MYH9: variants seen among roughly 807,000 people sequenced by gnomAD.
The protein encoded by MYH9 is myosin heavy chain 9.
A neutral mutation model predicts 241.9 loss-of-function variants in MYH9; 29 were observed. The ratio of observed to expected loss-of-function variants is 0.12; its 90% confidence interval spans 0.09 to 0.16. The LOEUF is 0.16. MYH9 is among the 10% of genes least tolerant of loss of function. The pLI is 1.00. For synonymous variants in MYH9, 1,047 were observed against 1,062.6 expected (o/e 0.99, Z 0.29); for missense variants, 1,803 against 2,595.5 (o/e 0.69, Z 6.63).
At chr22:36,309,475 AC>A in intron 14 of MYH9, 79 bp from the exon 15 acceptor site, 1 of 1,078,318 alleles carries the variant, frequency 9.3e-7, no homozygotes, top group Non-Finnish European at 1.4e-6. Context: ...GCACAGGCTA[AC>A]CCCATGCATG....
At chr22:36,304,200 C>G in intron 18 of MYH9, 45 bp from the exon 19 acceptor site, 2 of 1,605,362 alleles carry the variant, frequency 1.2e-6, no homozygotes, top group East Asian at 2.2e-5. Context: ...CAACTGGCCA[C>G]AGCTCCATGA....
chr22:36,358,970 C>T (rs946244582), intron 1 of MYH9, among the ~76,000 whole-genome samples: 2 of 152,130 alleles, frequency 1.3e-5, no homozygotes, highest in East Asian at 1.9e-4. Context: ...TCATTCCCAG[C>T]GGTATATAAT....
chr22:36,286,883 T>C, intron 34 of MYH9, 37 bp from the exon 35 acceptor site: 9 of 1,601,134 alleles, frequency 5.6e-6, no homozygotes, highest in Non-Finnish European at 7.6e-6. Flanking sequence ...CCCACCCAGC[T>C]CCTTGGCCCT....
intron 1 of MYH9, among the ~76,000 whole-genome samples, chr22:36,386,922 G>A (rs907981716): frequency 1.3e-5 from 2 of 152,248 alleles, no homozygotes; most frequent in Non-Finnish European, 2.9e-5. Context: ...AGATGCAATC[G>A]CCCAGGCCTG....
intron 3 of MYH9, among the ~76,000 whole-genome samples, chr22:36,340,202 A>AAAAGTAATGTGTGC (rs1569536435): frequency 6.7e-6 from 1 of 150,328 alleles, no homozygotes; most frequent in African/African-American, 2.4e-5. Flanking sequence ...CTTTGCCATT[A>AAAAGTAATGTGTGC]CTTTTAATGG....
chr22:36,298,370 G>A (rs1247972632), intron 24 of MYH9, among the ~76,000 whole-genome samples: 1 of 152,118 alleles, frequency 6.6e-6, no homozygotes, highest in Non-Finnish European at 1.5e-5. Flanking sequence ...AGACAAGGCA[G>A]GATTTGTCAC....
At position 36,312,169 on chromosome 22, in the gene MYH9, T is replaced by C. The variant is rs2017074895; in HGVS notation, c.1608A>G (p.Lys536=). The C allele has an allele frequency of 6.2e-7, 1 of 1,614,050 alleles. No homozygotes were observed. Residue 536 remains lysine (K), a synonymous_variant, in exon 14 of 41, where the codon AAA becomes AAG. Transcript: ENST00000216181. ...TCTCCACGAAGCTCTTGTCGGTGGC[T>C]TTGGGGAACCAGCACTCCTCGTCCA... ...ALLDEECWFP[K]ATDKSFVEKV...
Position 36,292,182 on chromosome 22 carries a change from G to A in MYH9, c.4148C>T (p.Ala1383Val), listed in dbSNP as rs1234301791. ...MEDSVGCLET[A>V]EEVKRKLQKD... The stretch of plus-strand genomic sequence containing the variant: ...CTGGAGCTTCCTCTTCACCTCCTCA[G>A]CAGTTTCCAGGCACCCCACACTGTC... Residue 1383 changes from alanine (A) to valine (V), a missense_variant, in exon 31 of 41, where the codon GCT becomes GTT. This residue lies in a region of MYH9 where 876 missense variants were observed against 1,077.8 expected (regional missense o/e 0.81). Coordinates refer to ENST00000216181, the MANE Select transcript of MYH9 (RefSeq NM_002473.6). 2.5e-6 allele frequency: 4 copies of A among 1,614,116 alleles called. No individual in the cohort carries two copies.
At chr22:36,378,747 G>A (rs1420659267) in intron 1 of MYH9, among the ~76,000 whole-genome samples, 1 of 152,026 alleles carries the variant, frequency 6.6e-6, no homozygotes, top group African/African-American at 2.4e-5. Context: ...AAAAGACGAA[G>A]GGAGTAGAAG....
At chr22:36,363,125 C>G (rs972097253) in intron 1 of MYH9, among the ~76,000 whole-genome samples, 1 of 152,200 alleles carries the variant, frequency 6.6e-6, no homozygotes, top group Non-Finnish European at 1.5e-5. Context: ...GACATGCCAT[C>G]GCCCCCAGGC....
chr22:36,284,631 G>T, intron 38 of MYH9, 120 bp from the exon 39 acceptor site: 1 of 938,834 alleles, frequency 1.1e-6, no homozygotes, highest in Non-Finnish European at 1.7e-6. Context: ...CACGTAGGGA[G>T]GCCTTTGCTA....
chr22:36,305,059 C>A lies in MYH9; in HGVS notation c.2203G>T (p.Asp735Tyr). The A allele has an allele frequency of 6.2e-7, 1 of 1,614,138 alleles. No individual in the cohort carries two copies. The highest frequency in any genetic ancestry group is 2.2e-5 in the East Asian group (1 of 44,884). ...TPNSIPKGFM[D>Y]GKQACVLMIK... ...ATGAGCACGCACGCCTGCTTCCCGT[C>A]CATGAAACCCTTGGGAATGGAGTTT... Residue 735 changes from aspartate (D) to tyrosine (Y), a missense_variant, in exon 18 of 41, where the codon GAC becomes TAC. Physicochemically the swap from Asp to Tyr is radical, Grantham distance 160. Coordinates refer to ENST00000216181, the MANE Select transcript of MYH9 (RefSeq NM_002473.6). The surrounding 1 kb of genome is among the most constrained non-coding windows in gnomAD (Gnocchi z 4.7).
intron 1 of MYH9, among the ~76,000 whole-genome samples, chr22:36,353,102 CGTGT>C (rs71323001): frequency 0.045 from 6,424 of 142,890 alleles, 167 homozygotes; most frequent in Middle Eastern, 0.07. Context: ...CCTCTGGGGG[CGTGT>C]GTGTGTGTGT....
intron 21 of MYH9, 104 bp downstream of exon 21, chr22:36,301,430 C>G (rs2016874998): frequency 2.7e-6 from 4 of 1,494,768 alleles, no homozygotes; most frequent in Non-Finnish European, 3.7e-6. Context: ...GTAGAAAACT[C>G]CTATAGTAAT....
At chr22:36,364,373 C>A (rs1170107173) in intron 1 of MYH9, among the ~76,000 whole-genome samples, 4 of 152,160 alleles carry the variant, frequency 2.6e-5, no homozygotes, top group African/African-American at 9.7e-5. Context: ...GAGAGGCTCC[C>A]ATCTTCCCAA....
rs755196113 is a variant in MYH9, at chr22:36,294,221, C to T, written c.3708G>A (p.Leu1236=). Residue 1236 remains leucine, a synonymous_variant, in exon 28 of 41, where the codon CTG becomes CTA. Transcript: ENST00000216181. ...GCTCCGAGTCCCCTTTGCCCTGCAG[C>T]AGCACCTTCACCTCGTTGGCCAGCT... is the stretch of plus-strand genomic sequence containing the variant. The part of the protein sequence containing the change: ...RGELANEVKV[L]LQGKGDSEHK... The T allele has an allele frequency of 1.1e-5, 17 of 1,614,152 alleles. No individual in the cohort carries two copies. Among genetic ancestry groups the T allele is most frequent in the Non-Finnish European group, 1.4e-5 (17 of 1,180,052 alleles).
intron 24 of MYH9, among the ~76,000 whole-genome samples, chr22:36,298,035 C>T (rs541823465): frequency 6.6e-6 from 1 of 152,192 alleles, no homozygotes; most frequent in Non-Finnish European, 1.5e-5. Context: ...CCGGGCTCCT[C>T]CCAGGTGAGG....
In MYH9 at chr22:36,316,625, C is replaced by A; in HGVS notation, c.1272G>T (p.Arg424=). 1.2e-6 allele frequency: 2 copies of A among 1,614,082 alleles called. No individual in the cohort carries two copies. Among genetic ancestry groups the A allele is most frequent in the Non-Finnish European group, 1.7e-6 (2 of 1,180,036 alleles). ...TGCGCAGCACCAGCCAGCGGAACAT[C>A]CGCTCATAGGTCGCCTTGGCCAAGG... The part of the protein sequence containing the change: ...IEALAKATYE[R]MFRWLVLRIN... Residue 424 remains arginine (R), a synonymous_variant, in exon 12 of 41, where the codon CGG becomes CGT. Transcript: ENST00000216181.
At chr22:36,367,670 C>T (rs139832041) in intron 1 of MYH9, among the ~76,000 whole-genome samples, 97 of 152,304 alleles carry the variant, frequency 6.4e-4, no homozygotes, top group African/African-American at 2.2e-3. Context: ...AGTCCTTCCC[C>T]AGAAACGTGA....
Sources: allele counts gnomAD v4.1 joint callset (sites outside exome capture counted in the v4.1 genomes callset), GRCh38; gene constraint gnomAD v4.1.1; regional missense constraint gnomAD v4.1.1; non-coding constraint Gnocchi (gnomAD v3.1); transcripts MANE v1.5; gene names NCBI Gene and HGNC (gene_info 2026-07-23, HGNC 2026-07-21).